NRXN1: variants seen among roughly 807,000 people sequenced by gnomAD.
NRXN1 encodes neurexin-1.
In NRXN1, 39 loss-of-function variants were observed where a neutral mutation model predicts 150.9. The observed-to-expected ratio is 0.26, with a 90% CI of 0.20 to 0.34. The LOEUF is 0.34. Ranked by LOEUF, NRXN1 falls within the 10% of genes least tolerant of loss-of-function variation. NRXN1 has a pLI of 1.00. For missense variants in NRXN1, 1,815 were observed against 1,949.9 expected, an observed-to-expected ratio of 0.93 and a Z score of 1.30; for synonymous variants, 924 against 757.0, an observed-to-expected ratio of 1.22 and a Z score of -3.62.
intron 17 of NRXN1, among the ~76,000 whole-genome samples, chr2:50,307,135 C>T (rs1340398440): frequency 6.6e-6 from 1 of 152,080 alleles, no homozygotes; most frequent in East Asian, 1.9e-4. Context: ...CAGGTGTGCA[C>T]CACCACGCCC....
intron 21 of NRXN1, among the ~76,000 whole-genome samples, chr2:49,948,130 T>C (rs1458790662): frequency 6.6e-6 from 1 of 152,080 alleles, no homozygotes; most frequent in Admixed American, 6.6e-5. Flanking sequence ...ACATCAAATA[T>C]AAACTTAAAA....
intron 17 of NRXN1, among the ~76,000 whole-genome samples, chr2:50,302,586 T>C (rs1333673415): frequency 2.0e-5 from 3 of 152,188 alleles, no homozygotes; most frequent in Non-Finnish European, 4.4e-5. Flanking sequence ...GCAGTTTCGA[T>C]TTATACACTG....
intron 21 of NRXN1, among the ~76,000 whole-genome samples, chr2:50,037,914 T>C (rs910088583): frequency 6.6e-6 from 1 of 152,278 alleles, no homozygotes; most frequent in Middle Eastern, 3.4e-3. Flanking sequence ...TATTTCAGAA[T>C]CTGCTAAAAG....
rs760200299 is a variant in NRXN1, at chr2:50,465,415, T to A, written c.3364+27A>T. 5.0e-6 allele frequency: 8 copies of A among 1,588,076 alleles called. No homozygotes were observed. In the East Asian group the frequency reaches 1.8e-4, roughly 36 times the overall value. On this transcript the variant is annotated intron_variant, in intron 17 of 22. Transcript: ENST00000401669. ...CAGTAACTGGAAGCAACGATGAGTA[T>A]CAGTCCATACTCAGAGAGGTACTTA... is the stretch of plus-strand genomic sequence containing the variant.
intron 18 of NRXN1, among the ~76,000 whole-genome samples, chr2:50,214,261 C>T (rs1050436653): frequency 1.3e-5 from 2 of 152,012 alleles, no homozygotes; most frequent in Non-Finnish European, 2.9e-5. Context: ...AGCAATCTCA[C>T]TCTGTGATCA....
intron 22 of NRXN1, among the ~76,000 whole-genome samples, chr2:49,941,385 C>A (rs1312032877): frequency 6.6e-6 from 1 of 151,394 alleles, no homozygotes; most frequent in Non-Finnish European, 1.5e-5. Flanking sequence ...TTTCTCTCCT[C>A]TCCTCTACCT....
At chr2:50,016,112 C>A (rs1686545343) in intron 21 of NRXN1, among the ~76,000 whole-genome samples, 1 of 151,614 alleles carries the variant, frequency 6.6e-6, no homozygotes, top group East Asian at 1.9e-4. Flanking sequence ...TTAACAAGAC[C>A]CATGGACTAA....
chr2:50,564,957 G>A (rs184909195), intron 8 of NRXN1, among the ~76,000 whole-genome samples: 1 of 152,180 alleles, frequency 6.6e-6, no homozygotes, highest in Non-Finnish European at 1.5e-5. Flanking sequence ...AAAATTTTTG[G>A]CAGCATTTAA....
chr2:50,877,594 T>C (rs1013046628), intron 5 of NRXN1, among the ~76,000 whole-genome samples: 1 of 152,006 alleles, frequency 6.6e-6, no homozygotes, highest in Non-Finnish European at 1.5e-5. Context: ...TCTTTTGTTG[T>C]TTTCCAAATT....
intron 5 of NRXN1, among the ~76,000 whole-genome samples, chr2:50,644,581 T>G (rs1390334814): frequency 6.6e-6 from 1 of 151,610 alleles, no homozygotes; most frequent in Non-Finnish European, 1.5e-5. Flanking sequence ...AATAAAATTC[T>G]CTATTACCAG....
intron 21 of NRXN1, among the ~76,000 whole-genome samples, chr2:50,013,864 T>C (rs1421599): frequency 0.33 from 49,689 of 151,850 alleles, 8,471 homozygotes; most frequent in East Asian, 0.49. Context: ...ATTACATCAT[T>C]TGGGTACTAG....
intron 5 of NRXN1, among the ~76,000 whole-genome samples, chr2:50,640,886 C>A (rs534842903): frequency 6.6e-5 from 10 of 152,042 alleles, no homozygotes; most frequent in Non-Finnish European, 1.3e-4. Context: ...TCAAAGAAGG[C>A]AACTGTCGAT....
At chr2:50,095,826 G>A (rs1212818065) in intron 18 of NRXN1, among the ~76,000 whole-genome samples, 1 of 150,010 alleles carries the variant, frequency 6.7e-6, no homozygotes, top group South Asian at 2.1e-4. Context: ...TAGGGTACAT[G>A]TGCACAACGT....
chr2:50,644,949 T>G (rs916096903), intron 5 of NRXN1, among the ~76,000 whole-genome samples: 9 of 150,976 alleles, frequency 6.0e-5, no homozygotes, highest in Admixed American at 1.3e-4. Context: ...CTACATAAAT[T>G]TCTTCATTTT....
intron 2 of NRXN1, among the ~76,000 whole-genome samples, chr2:51,002,475 A>G (rs1220555319): frequency 6.6e-6 from 1 of 152,040 alleles, no homozygotes; most frequent in Admixed American, 6.6e-5. Context: ...TCCAAAACAC[A>G]AAACGATTCA....
At chr2:50,301,948 G>C (rs962139162) in intron 17 of NRXN1, among the ~76,000 whole-genome samples, 1 of 152,104 alleles carries the variant, frequency 6.6e-6, no homozygotes, top group African/African-American at 2.4e-5. Flanking sequence ...GATCTCTTTT[G>C]TGTTCTTCCC....
At chr2:50,264,656 G>T (rs1476282943) in intron 17 of NRXN1, among the ~76,000 whole-genome samples, 1 of 151,888 alleles carries the variant, frequency 6.6e-6, no homozygotes, top group Non-Finnish European at 1.5e-5. Context: ...CTCCCTAAGT[G>T]GTACAATGAA....
chr2:50,873,961 A>G (rs536818841), intron 5 of NRXN1, among the ~76,000 whole-genome samples: 2 of 149,238 alleles, frequency 1.3e-5, no homozygotes, highest in East Asian at 3.9e-4. Context: ...TTGTGACCCA[A>G]ATGTTTTTAA....
chr2:50,911,107 G>A lies in NRXN1; in HGVS notation c.832+10762C>T, dbSNP rs1684451320. Among the ~76,000 whole-genome samples the A allele has an allele frequency of 2.0e-5, 3 of 151,896 alleles. No individual in the cohort carries two copies. The South Asian group carries it at 6.3e-4, about 32-fold the overall frequency. ...GGGACCACTGAGAGATTTATCTTTG[G>A]CAAGGGGATAATTTTTGGATCCCCC... On this transcript the variant is annotated intron_variant, in intron 5 of 22. Transcript: ENST00000401669.
Sources: gnomAD v4.1 joint callset for allele counts (sites outside exome capture counted in the v4.1 genomes callset) on GRCh38, gnomAD v4.1.1 for gene constraint, MANE v1.5 for transcripts, NCBI Gene and HGNC (gene_info 2026-07-23, HGNC 2026-07-21) for gene names.